GPHN: variants seen among roughly 807,000 people sequenced by gnomAD.
The protein encoded by GPHN is gephyrin.
GPHN carries 17 observed loss-of-function variants against 95.5 expected under a neutral mutation model. The observed-to-expected ratio is 0.18, with a 90% CI of 0.12 to 0.27. The LOEUF (loss-of-function observed/expected upper bound fraction) is 0.27. Ranked by LOEUF, GPHN falls within the 10% of genes least tolerant of loss-of-function variation. GPHN has a pLI of 1.00. For missense variants in GPHN, 660 were observed against 978.1 expected (o/e 0.67, Z 4.34); for synonymous variants, 320 against 322.5 (o/e 0.99, Z 0.08).
intron 1 of GPHN, among the ~76,000 whole-genome samples, chr14:66,585,536 A>G (rs530999232): frequency 1.1e-4 from 17 of 151,754 alleles, no homozygotes; most frequent in Non-Finnish European, 2.4e-4. Flanking sequence ...AGTGCTATAA[A>G]TTTCCCTCTA....
At chr14:66,939,586 C>T (rs995038570) in intron 8 of GPHN, among the ~76,000 whole-genome samples, 2 of 152,086 alleles carry the variant, frequency 1.3e-5, no homozygotes, top group Non-Finnish European at 2.9e-5. Flanking sequence ...CAGGCTCCTC[C>T]CCTCTGCAAA....
the GPHN span, among the ~76,000 whole-genome samples, chr14:67,559,390 A>C: frequency 6.6e-6 from 1 of 152,298 alleles, no homozygotes; most frequent in Middle Eastern, 3.4e-3. Context: ...GCGTTTATTC[A>C]GCCAACCCCT....
chr14:66,599,588 GGTT>G (rs1566679933), intron 1 of GPHN, among the ~76,000 whole-genome samples: 1 of 151,168 alleles, frequency 6.6e-6, no homozygotes, highest in Non-Finnish European at 1.5e-5. Context: ...GGTTTTTATT[GGTT>G]GTTTTTGTTT....
At chr14:67,676,258 C>T in the GPHN span, among the ~76,000 whole-genome samples, 1 of 152,074 alleles carries the variant, frequency 6.6e-6, no homozygotes, top group Middle Eastern at 3.2e-3. Context: ...CTCCTGGGCC[C>T]TCATTTTTAT....
intron 3 of GPHN, among the ~76,000 whole-genome samples, chr14:66,784,017 G>A (rs1277709669): frequency 2.0e-5 from 3 of 152,124 alleles, no homozygotes; most frequent in Non-Finnish European, 2.9e-5. Context: ...CACAGCATGA[G>A]TGAGAAAAAA....
chr14:67,642,820 T>TTTTTTTG, the GPHN span, among the ~76,000 whole-genome samples: 1 of 134,576 alleles, frequency 7.4e-6, no homozygotes, highest in Non-Finnish European at 1.6e-5. Context: ...TTTTTTTTTT[T>TTTTTTTG]GAGATAGGGT....
intron 12 of GPHN, among the ~76,000 whole-genome samples, chr14:67,095,876 A>G (rs2077352189): frequency 6.6e-6 from 1 of 150,908 alleles, no homozygotes; most frequent in Non-Finnish European, 1.5e-5. Context: ...ACATGTATAC[A>G]TATGTAACTA....
chr14:67,277,416 C>T, the GPHN span, among the ~76,000 whole-genome samples: 1 of 152,102 alleles, frequency 6.6e-6, no homozygotes, highest in African/African-American at 2.4e-5. Flanking sequence ...AGCATTTTGT[C>T]TTCTGTCCCT....
chr14:67,066,055 G>C (rs934588867), intron 11 of GPHN, among the ~76,000 whole-genome samples: 52 of 152,266 alleles, frequency 3.4e-4, no homozygotes, highest in African/African-American at 1.2e-3. Flanking sequence ...AATTTGGCAG[G>C]TTTTTGCAGT....
chr14:66,796,322 T>C (rs1377784764), intron 3 of GPHN, among the ~76,000 whole-genome samples: 1 of 151,512 alleles, frequency 6.6e-6, no homozygotes, highest in East Asian at 1.9e-4. Context: ...ATTGTTTCCT[T>C]TTTTTTTTCA....
At chr14:67,157,243 A>T (rs1361191567) in intron 18 of GPHN, among the ~76,000 whole-genome samples, 2 of 152,190 alleles carry the variant, frequency 1.3e-5, no homozygotes, top group African/African-American at 4.8e-5. Flanking sequence ...AAATTAAGGT[A>T]AAAAGGATTA....
chr14:67,621,916 G>T, the GPHN span, among the ~76,000 whole-genome samples: 1 of 151,838 alleles, frequency 6.6e-6, no homozygotes, highest in African/African-American at 2.4e-5. Flanking sequence ...GACCAATATG[G>T]CGAAATCCCT....
rs144105687 is a variant in GPHN, at chr14:66,601,979, C to A, written c.65-79128C>A. Among the ~76,000 whole-genome samples, 4 of 151,972 alleles carry A rather than the reference C, an allele frequency of 2.6e-5. No homozygotes were observed. In the East Asian group the frequency reaches 7.7e-4, roughly 29 times the overall value. On this transcript the variant is annotated intron_variant, in intron 1 of 22. Coordinates refer to ENST00000478722, the MANE Select transcript of GPHN (RefSeq NM_020806.5). ...GTGATTATCATTTCAGATTTGGTGTCCTTGTAACTGGGCTGATTTATCATA... is the reference window on the plus strand; with the variant it reads ...GTGATTATCATTTCAGATTTGGTGTACTTGTAACTGGGCTGATTTATCATA...
intron 1 of GPHN, among the ~76,000 whole-genome samples, chr14:66,518,739 T>C (rs557523783): frequency 6.2e-4 from 94 of 152,204 alleles, no homozygotes; most frequent in African/African-American, 2.1e-3. Context: ...GAATGGAAAG[T>C]TAAACACTGC....
chr14:67,698,012 T>A, the GPHN span, among the ~76,000 whole-genome samples: 1 of 151,696 alleles, frequency 6.6e-6, no homozygotes. Flanking sequence ...GGACAGTAAA[T>A]AAAGTAGGAA....
intron 4 of GPHN, among the ~76,000 whole-genome samples, chr14:66,869,516 G>T (rs963718710): frequency 2.0e-5 from 3 of 152,128 alleles, no homozygotes; most frequent in Admixed American, 2.0e-4. Context: ...CTGCTCCCTA[G>T]TTTAGATCCC....
chr14:66,562,364 ATTAATTAGC>A (rs2060291163), intron 1 of GPHN, among the ~76,000 whole-genome samples: 1 of 152,218 alleles, frequency 6.6e-6, no homozygotes, highest in South Asian at 2.1e-4. Flanking sequence ...TGATGGATAC[ATTAATTAGC>A]TTGATTTAAT....
chr14:66,903,467 C>T (rs1210969712), intron 5 of GPHN, among the ~76,000 whole-genome samples: 2 of 152,132 alleles, frequency 1.3e-5, no homozygotes, highest in East Asian at 3.8e-4. Flanking sequence ...ACTACTCCTG[C>T]TCTGTTTTGG....
At chr14:66,655,252 G>C (rs1165180282) in intron 1 of GPHN, among the ~76,000 whole-genome samples, 14 of 152,064 alleles carry the variant, frequency 9.2e-5, no homozygotes, top group Non-Finnish European at 2.9e-5. Flanking sequence ...CTGTTATTCT[G>C]TATATTTATT....
Sources: allele counts gnomAD v4.1 joint callset (sites outside exome capture counted in the v4.1 genomes callset), GRCh38; gene constraint gnomAD v4.1.1; transcripts MANE v1.5; gene names NCBI Gene and HGNC (gene_info 2026-07-23, HGNC 2026-07-21).